Variants in PCDH7 observed in about 807,000 individuals in gnomAD.
PCDH7 encodes the protein protocadherin-7.
A neutral mutation model predicts 58.9 loss-of-function variants in PCDH7; 17 were observed. The observed-to-expected ratio is 0.29, with a 90% confidence interval of 0.20 to 0.43. The LOEUF is 0.43. PCDH7 is among the 20% of genes least tolerant of loss of function. The pLI, the probability that PCDH7 is intolerant of heterozygous loss-of-function variation, is 1.00. For missense variants in PCDH7, 1,274 were observed against 1,441.0 expected (o/e 0.88, Z 1.88); for synonymous variants, 664 against 616.4 (o/e 1.08, Z -1.14).
intron 3 of PCDH7, among the ~76,000 whole-genome samples, chr4:31,099,016 G>T (rs565417831): frequency 6.6e-6 from 1 of 152,204 alleles, no homozygotes; most frequent in African/African-American, 2.4e-5. Flanking sequence ...CCACCCTTAA[G>T]ATCTCATTTT....
At chr4:30,770,272 T>A (rs557831544) in intron 1 of PCDH7, among the ~76,000 whole-genome samples, 5 of 152,350 alleles carry the variant, frequency 3.3e-5, no homozygotes, top group African/African-American at 1.2e-4. Context: ...AAGTTCCAGT[T>A]GTCCTCACAT....
chr4:30,914,880 G>A (rs1742233273), intron 1 of PCDH7, among the ~76,000 whole-genome samples: 1 of 152,050 alleles, frequency 6.6e-6, no homozygotes, highest in South Asian at 2.1e-4. Context: ...GGTCACGTAA[G>A]GTTTCTTGGA....
At chr4:31,090,898 C>T (rs1343793266) in intron 3 of PCDH7, among the ~76,000 whole-genome samples, 4 of 151,880 alleles carry the variant, frequency 2.6e-5, no homozygotes, top group Admixed American at 6.6e-5. Flanking sequence ...TTTTATGCCT[C>T]CTCAAAGCTC....
chr4:30,897,757 G>T (rs576337127), intron 1 of PCDH7, among the ~76,000 whole-genome samples: 39 of 152,238 alleles, frequency 2.6e-4, no homozygotes, highest in African/African-American at 9.4e-4. Context: ...AATTATACAG[G>T]TTAATATTGT....
chr4:30,853,053 T>C (rs957569976), intron 1 of PCDH7, among the ~76,000 whole-genome samples: 1 of 151,972 alleles, frequency 6.6e-6, no homozygotes, highest in Admixed American at 6.6e-5. Flanking sequence ...AGTGACATGA[T>C]TGATTAGAGA....
chr4:31,080,596 A>G (rs1192400494), intron 3 of PCDH7, among the ~76,000 whole-genome samples: 10 of 152,174 alleles, frequency 6.6e-5, no homozygotes, highest in Non-Finnish European at 1.2e-4. Flanking sequence ...GTTCTTTAGA[A>G]AAAAAAGTGT....
chr4:30,758,566 G>T (rs1208254246), intron 1 of PCDH7, among the ~76,000 whole-genome samples: 1 of 152,114 alleles, frequency 6.6e-6, no homozygotes, highest in East Asian at 1.9e-4. Flanking sequence ...ATATATTTGA[G>T]GACAGCCAAC....
At position 30,722,820 on chromosome 4, in the gene PCDH7, G is replaced by T. The variant is rs756992758; in HGVS notation, c.1398G>T (p.Val466=). The change falls in exon 1 of 2, where the codon GTG becomes GTT. Residue 466 remains valine (V), a synonymous_variant. Coordinates refer to ENST00000361762, the Ensembl canonical transcript of PCDH7. This position sits in a 1 kb window ranked among gnomAD's most constrained non-coding sequence, Gnocchi z 7.6. ...TCACCTGCACCGTGGTGGGCGACGT[G>T]CCCTTCCAGCTCAAGCCAGCCAGCG... is the stretch of plus-strand genomic sequence containing the variant. 17 of 1,613,634 alleles carry T rather than the reference G, an allele frequency of 1.1e-5. No individual in the cohort carries two copies. In the East Asian group the frequency reaches 3.3e-4, roughly 32 times the overall value.
intron 1 of PCDH7, among the ~76,000 whole-genome samples, chr4:30,753,261 C>T (rs2109260659): frequency 6.6e-6 from 1 of 152,280 alleles, no homozygotes; most frequent in Non-Finnish European, 1.5e-5. Context: ...CTTCAAGTAT[C>T]TCTAACTGTA....
chr4:30,954,275 T>C (rs1747632833), intron 3 of PCDH7, among the ~76,000 whole-genome samples: 1 of 152,194 alleles, frequency 6.6e-6, no homozygotes, highest in Non-Finnish European at 1.5e-5. Context: ...GCCTTTTTGC[T>C]GACCCTACCC....
intron 2 of PCDH7, chr4:30,925,864 T>C: frequency 6.6e-6 from 1 of 152,056 alleles, no homozygotes; most frequent in East Asian, 1.9e-4. Context: ...TCTAAAAGAG[T>C]CTAAAGAAGG....
intron 3 of PCDH7, among the ~76,000 whole-genome samples, chr4:31,026,864 A>G (rs1754478171): frequency 6.6e-6 from 1 of 152,204 alleles, no homozygotes; most frequent in Non-Finnish European, 1.5e-5. Context: ...GCATTCAGTG[A>G]TGTCACAAAG....
intron 1 of PCDH7, among the ~76,000 whole-genome samples, chr4:30,901,171 T>C (rs1303032798): frequency 6.6e-6 from 1 of 152,176 alleles, no homozygotes; most frequent in East Asian, 1.9e-4. Flanking sequence ...GAAATACTCA[T>C]TTAAGTTTTT....
At chr4:31,074,827 C>T (rs920976744) in intron 3 of PCDH7, among the ~76,000 whole-genome samples, 1 of 140,526 alleles carries the variant, frequency 7.1e-6, no homozygotes, top group Non-Finnish European at 1.5e-5. Context: ...ATTTGACAGA[C>T]CTAGCCCTAC....
chr4:30,984,733 T>C (rs112777782), intron 3 of PCDH7, among the ~76,000 whole-genome samples: 30 of 152,178 alleles, frequency 2.0e-4, no homozygotes, highest in African/African-American at 6.5e-4. Flanking sequence ...AGGTTAAATA[T>C]AGAAGAGACC....
intron 3 of PCDH7, among the ~76,000 whole-genome samples, chr4:30,961,377 T>A: frequency 7.3e-6 from 1 of 137,772 alleles, no homozygotes. Flanking sequence ...ATCCTGTCTC[T>A]ACTAAAAATA....
At position 31,109,091 on chromosome 4, in the gene PCDH7, C is replaced by T. The variant is rs183017447; in HGVS notation, c.*8-33382C>T. Among the ~76,000 whole-genome samples the T allele has an allele frequency of 4.2e-3, 636 of 152,256 alleles. 13 individuals carry two copies. The highest frequency in any genetic ancestry group is 0.037 in the Admixed American group (563 of 15,288). On this transcript the variant is annotated intron_variant, in intron 3 of 3. Transcript: ENST00000509759. ...TGTTCCCATGCCATGACAGAAATGA[C>T]ACAAGTGTAGGAACATGCAAAGGCT...
At chr4:30,955,764 G>C (rs61795887) in intron 3 of PCDH7, among the ~76,000 whole-genome samples, 17 of 151,768 alleles carry the variant, frequency 1.1e-4, no homozygotes, top group Admixed American at 2.6e-4. Flanking sequence ...GACCAGGCTG[G>C]TCTCAAACTC....
intron 1 of PCDH7, among the ~76,000 whole-genome samples, chr4:30,785,887 G>GACTTACTA (rs1356873618): frequency 6.6e-6 from 1 of 151,904 alleles, no homozygotes; most frequent in East Asian, 1.9e-4. Context: ...GCAATATTCA[G>GACTTACTA]ACTTACTAAG....
Sources: gnomAD v4.1 joint callset for allele counts (sites outside exome capture counted in the v4.1 genomes callset) on GRCh38, gnomAD v4.1.1 for gene constraint, Gnocchi (gnomAD v3.1) non-coding constraint, MANE v1.5 for transcripts, NCBI Gene and HGNC (gene_info 2026-07-23, HGNC 2026-07-21) for gene names.